Variants in THADA observed in about 807,000 individuals in gnomAD.
The protein encoded by THADA is THADA armadillo repeat containing.
In THADA, 213 loss-of-function variants were observed where a neutral mutation model predicts 219.8. That is an observed-to-expected ratio of 0.97 (90% CI 0.87 to 1.09). The LOEUF (loss-of-function observed/expected upper bound fraction) is 1.09, where lower values mean the gene tolerates loss of function less well. THADA is among the 50% of genes least tolerant of loss of function. The pLI is 0.00. For missense variants in THADA, 2,956 were observed against 2,311.3 expected, an observed-to-expected ratio of 1.28 and a Z score of -5.72; for synonymous variants, 1,018 against 828.9, an observed-to-expected ratio of 1.23 and a Z score of -3.92.
chr2:43,490,896 G>A (rs1260484194), intron 25 of THADA, among the ~76,000 whole-genome samples: 1 of 152,124 alleles, frequency 6.6e-6, no homozygotes, highest in African/African-American at 2.4e-5. Flanking sequence ...GGGGAGTACT[G>A]TAATTGATTT....
intron 13 of THADA, among the ~76,000 whole-genome samples, chr2:43,571,171 G>C (rs140771322): frequency 5.3e-5 from 8 of 151,942 alleles, no homozygotes; most frequent in African/African-American, 1.9e-4. Context: ...AGGAAGAATC[G>C]CTTGAGCCTG....
chr2:43,258,816 G>T (rs1371848771), intron 36 of THADA, among the ~76,000 whole-genome samples: 1 of 152,140 alleles, frequency 6.6e-6, no homozygotes, highest in Non-Finnish European at 1.5e-5. Context: ...CTCATCCATT[G>T]GCTGTTTATT....
chr2:43,303,792 T>C (rs928611993), intron 31 of THADA, among the ~76,000 whole-genome samples: 1 of 152,044 alleles, frequency 6.6e-6, no homozygotes, highest in Non-Finnish European at 1.5e-5. Flanking sequence ...TTCCAATCAG[T>C]GGTCAATGTC....
Position 43,527,949 on chromosome 2 carries a change from G to C in THADA, c.3304C>G (p.Gln1102Glu). 2 of 1,613,420 alleles carry C rather than the reference G, an allele frequency of 1.2e-6. No homozygotes were observed. Among genetic ancestry groups the C allele is most frequent in the Non-Finnish European group, 1.7e-6 (2 of 1,179,642 alleles). Residue 1102 changes from glutamine (Q) to glutamate (E), a missense_variant, in exon 22 of 38, where the codon CAG becomes GAG. Transcript: ENST00000405975. ...TCAAATGCTCCTCTGTGCCTGGACT[G>C]CAAAAGGTGTTGTTTAAAGTAATCT... ...IGDYFKQHLL[Q>E]SRHRGAFELA...
At chr2:43,291,454 C>CAAAAAAAAAAAAA (rs765352765) in intron 34 of THADA, among the ~76,000 whole-genome samples, 286 of 8,070 alleles carry the variant, frequency 0.035, 50 homozygotes, top group African/African-American at 0.049. Flanking sequence ...AACTCCATCT[C>CAAAAAAAAAAAAA]AAAAAAAAAA....
At chr2:43,454,291 T>G (rs1310784525) in intron 26 of THADA, among the ~76,000 whole-genome samples, 1 of 152,180 alleles carries the variant, frequency 6.6e-6, no homozygotes, top group African/African-American at 2.4e-5. Flanking sequence ...TCTAGACCTT[T>G]TCTATGCACA....
chr2:43,514,026 C>T (rs867657923), intron 22 of THADA, among the ~76,000 whole-genome samples: 1 of 149,842 alleles, frequency 6.7e-6, no homozygotes, highest in South Asian at 2.1e-4. Context: ...CACCACTAGA[C>T]TCCAGTGTGG....
intron 25 of THADA, among the ~76,000 whole-genome samples, chr2:43,493,368 G>A (rs1052805822): frequency 3.3e-5 from 5 of 152,240 alleles, no homozygotes; most frequent in South Asian, 2.1e-4. Context: ...GGTAGCATGC[G>A]CCTGTAGTCC....
intron 26 of THADA, among the ~76,000 whole-genome samples, chr2:43,473,909 C>T (rs942628082): frequency 6.6e-6 from 1 of 151,920 alleles, no homozygotes. Flanking sequence ...GCGCCCGGCC[C>T]ATGCTTGACT....
chr2:43,566,859 C>T (rs1164005257), intron 14 of THADA, 38 bp from the exon 15 acceptor site: 9 of 1,363,448 alleles, frequency 6.6e-6, no homozygotes, highest in South Asian at 3.3e-5. Flanking sequence ...AGTATAATTA[C>T]GTCACAATAG....
chr2:43,363,078 G>A (rs1387166248), intron 29 of THADA, among the ~76,000 whole-genome samples: 1 of 152,134 alleles, frequency 6.6e-6, no homozygotes, highest in Non-Finnish European at 1.5e-5. Flanking sequence ...CTGTTTTACA[G>A]TTAACAATTT....
At chr2:43,363,124 A>G (rs1029472994) in intron 29 of THADA, among the ~76,000 whole-genome samples, 4 of 152,252 alleles carry the variant, frequency 2.6e-5, no homozygotes, top group African/African-American at 4.8e-5. Flanking sequence ...CAATGCCTAA[A>G]TCAGGAATAT....
intron 26 of THADA, among the ~76,000 whole-genome samples, chr2:43,475,442 A>C (rs976987432): frequency 2.0e-3 from 308 of 151,770 alleles, no homozygotes; most frequent in Non-Finnish European, 3.8e-3. Context: ...AAAAAAAAAA[A>C]AAAACCTAGA....
chr2:43,552,349 G>T lies in THADA; in HGVS notation c.2675-10C>A. 6.3e-7 allele frequency: 1 copy of T among 1,580,798 alleles called. No individual in the cohort carries two copies. The highest frequency in any genetic ancestry group is 8.6e-7 in the Non-Finnish European group (1 of 1,167,456). On this transcript the variant is annotated splice_polypyrimidine_tract_variant and intron_variant, in intron 17 of 37. Transcript: ENST00000405975. The stretch of plus-strand genomic sequence containing the variant: ...ATCAAGCATTTGATAACTAGAAAAA[G>T]CAAACAGAAAATCAAAGTAATGTCA...
chr2:43,239,438 G>T (rs1311001941), intron 36 of THADA, among the ~76,000 whole-genome samples: 1 of 152,194 alleles, frequency 6.6e-6, no homozygotes. Context: ...ACAAATCTCA[G>T]CCTCTGATTC....
intron 36 of THADA, among the ~76,000 whole-genome samples, chr2:43,243,647 G>T (rs549744248): frequency 6.6e-6 from 1 of 152,134 alleles, no homozygotes; most frequent in Admixed American, 6.5e-5. Flanking sequence ...CAAATGAGAA[G>T]CAGCCCCTTC....
At chr2:43,448,585 T>A (rs1246884077) in intron 26 of THADA, among the ~76,000 whole-genome samples, 1 of 150,706 alleles carries the variant, frequency 6.6e-6, no homozygotes, top group African/African-American at 2.4e-5. Context: ...TTTTTGCTTT[T>A]ATTTTCTTCT....
chr2:43,459,432 T>C (rs937995718), intron 26 of THADA, among the ~76,000 whole-genome samples: 1 of 152,198 alleles, frequency 6.6e-6, no homozygotes, highest in Non-Finnish European at 1.5e-5. Flanking sequence ...TAATACTTAC[T>C]GAGCTTCTGC....
At chr2:43,275,786 T>C (rs1217219889) in intron 36 of THADA, among the ~76,000 whole-genome samples, 2 of 152,208 alleles carry the variant, frequency 1.3e-5, no homozygotes, top group African/African-American at 4.8e-5. Flanking sequence ...GCTTCACAAA[T>C]TTGTACCTTC....
Sources: allele counts gnomAD v4.1 joint callset (sites outside exome capture counted in the v4.1 genomes callset), GRCh38; gene constraint gnomAD v4.1.1; transcripts MANE v1.5; gene names NCBI Gene and HGNC (gene_info 2026-07-23, HGNC 2026-07-21).